The following PAGR1 variants were observed in gnomAD, a reference collection of about 807,000 sequenced individuals.
PAGR1 encodes PAXIP1 associated glutamate rich protein 1.
A neutral mutation model predicts 22.4 loss-of-function variants in PAGR1; 20 were observed. The ratio of observed to expected loss-of-function variants is 0.89; its 90% CI spans 0.63 to 1.30. The LOEUF (loss-of-function observed/expected upper bound fraction) is 1.30. Among genes scored for constraint, PAGR1 ranks in the 50% most tolerant of loss-of-function variants. The pLI is 0.00. For synonymous variants in PAGR1, 161 were observed against 148.3 expected (o/e 1.09, Z -0.62); for missense variants, 338 against 343.6 (o/e 0.98, Z 0.13).
rs764030517 is a variant in PAGR1 at position 29,819,565 on chromosome 16, C to T, written c.576C>T (p.Ala192=). ...CTTCCTCTTCTCCAGGAAGCTCAGC[C>T]CGGAGCCAGAAACGGGAGGCCCGCC... ...IDRRRTPGSS[A]RSQKREARLD... Residue 192 remains alanine (A), a synonymous_variant, in exon 3 of 3, where the codon GCC becomes GCT. Coordinates refer to ENST00000320330, the MANE Select transcript of PAGR1 (RefSeq NM_024516.4). The T allele has an allele frequency of 5.0e-6, 8 of 1,614,096 alleles. No individual in the cohort carries two copies. Among genetic ancestry groups the T allele is most frequent in the Non-Finnish European group, 6.8e-6 (8 of 1,180,026 alleles).
At position 29,819,942 on chromosome 16, in the gene PAGR1, G is replaced by A; in HGVS notation, c.*188G>A. On this transcript the variant is annotated 3_prime_UTR_variant, in exon 3 of 3. Coordinates refer to ENST00000320330, the MANE Select transcript of PAGR1 (RefSeq NM_024516.4). ...GTGTTTTTTCTATTGAACACCTGTA[G>A]AGTGTGTGTGTGTGTTTTCTATTGA... 1 of 631,842 alleles carries A rather than the reference G, an allele frequency of 1.6e-6. No homozygotes were observed. Among genetic ancestry groups the A allele is most frequent in the Non-Finnish European group, 2.7e-6 (1 of 370,146 alleles). 39.1% of individuals were successfully genotyped at this position (631,842 alleles called of 1,614,324 possible).
At position 29,816,719 on chromosome 16, in the gene PAGR1, A is replaced by C. The variant is rs746515233; in HGVS notation, c.194A>C (p.Glu65Ala). 1.9e-6 allele frequency: 3 copies of C among 1,608,240 alleles called. No individual in the cohort carries two copies. In the South Asian group the frequency reaches 3.3e-5, roughly 18 times the overall value. The change falls in exon 1 of 3, where the codon GAG becomes GCG. Residue 65 changes from glutamate to alanine, a missense_variant. By Grantham distance (107) the Glu-to-Ala change is moderately radical. Around this residue, in one of 3 missense-constraint regions of PAGR1, gnomAD observed 235 missense variants for 216.0 expected, o/e 1.09. Transcript: ENST00000320330. ...ACCGAGCGTGAGGGGTCCGGGGGCG[A>C]GGAGGCGCAGGGAGAAGTCCCCAGC... is the stretch of plus-strand genomic sequence containing the variant. ...EETEREGSGG[E>A]EAQGEVPSAG...
rs545434646 is a variant in PAGR1, at chr16:29,821,633, G to A, written c.*1879G>A. Among the ~76,000 whole-genome samples, 1 of 152,324 alleles carries A rather than the reference G, an allele frequency of 6.6e-6. No individual in the cohort carries two copies. Among genetic ancestry groups the A allele is most frequent in the East Asian group, 1.9e-4 (1 of 5,190 alleles). On this transcript the variant is annotated 3_prime_UTR_variant, in exon 3 of 3. Coordinates refer to ENST00000320330, the MANE Select transcript of PAGR1 (RefSeq NM_024516.4). The stretch of plus-strand genomic sequence containing the variant: ...TTAGAATCTTTGTGTTTCTGCCTGA[G>A]AAGCCACTGCCTCCTAGTTTGTGGT...
rs1900344694 is a variant in PAGR1 at position 29,820,417 on chromosome 16, C to T, written c.*663C>T. 1 of 152,234 alleles carries T rather than the reference C, an allele frequency of 6.6e-6. No individual in the cohort carries two copies. Among genetic ancestry groups the T allele is most frequent in the Admixed American group, 6.5e-5 (1 of 15,290 alleles). 9.4% of individuals were successfully genotyped at this position (152,234 alleles called of 1,614,324 possible). Reference sequence around the variant, plus strand: ...TTAACTCCCAAGCCCCACCCCTGGGCTTGGCCTGCCTTGCCCTGCCGGGAA... The same window carrying T: ...TTAACTCCCAAGCCCCACCCCTGGGTTTGGCCTGCCTTGCCCTGCCGGGAA... On this transcript the variant is annotated 3_prime_UTR_variant, in exon 3 of 3. Transcript: ENST00000320330.
rs763365665 is a variant in PAGR1, at chr16:29,816,744, C to T, written c.219C>T (p.Ser73=). The change falls in exon 1 of 3, where the codon AGC becomes AGT. Residue 73 remains serine (S), a synonymous_variant. Transcript: ENST00000320330. ...AGGAGGCGCAGGGAGAAGTCCCCAG[C>T]GCTGGGGGAGAAGAGCCTGCCGAGG... ...GGEEAQGEVP[S]AGGEEPAEED... The T allele has an allele frequency of 5.0e-6, 8 of 1,598,516 alleles. No homozygotes were observed. The highest frequency in any genetic ancestry group is 1.3e-5 in the African/African-American group (1 of 74,674).
In PAGR1 at chr16:29,822,091, T is replaced by TG. The variant is rs896723412; in HGVS notation, c.*2337_*2338insG. Among the ~76,000 whole-genome samples, 4 of 151,492 alleles carry TG rather than the reference T, an allele frequency of 2.6e-5. No individual in the cohort carries two copies. The highest frequency in any genetic ancestry group is 2.0e-4 in the Admixed American group (3 of 15,226). On this transcript the variant is annotated 3_prime_UTR_variant, in exon 3 of 3. Transcript: ENST00000320330. ...TGTGTGTGTGGTTGGGGTTTTGTTTTTTTTTTTTTTTTAAAGAATTATAGC... is the reference window on the plus strand; with the variant it reads ...TGTGTGTGTGGTTGGGGTTTTGTTTTGTTTTTTTTTTTTAAAGAATTATAGC...
chr16:29,818,221 CAG>C (rs1009255707), intron 2 of PAGR1: 4 of 152,222 alleles, frequency 2.6e-5, no homozygotes, highest in East Asian at 3.9e-4. Context: ...GGTGGAGAGA[CAG>C]AGTCTTGCTG....
At chr16:29,819,194 CCT>C (rs1900309624) in intron 2 of PAGR1, among the ~76,000 whole-genome samples, 1 of 152,082 alleles carries the variant, frequency 6.6e-6, no homozygotes. Flanking sequence ...GTCTCAAACT[CCT>C]GACCTCGTGA....
chr16:29,817,444 G>T, intron 2 of PAGR1, 152 bp downstream of exon 2: 1 of 526,012 alleles, frequency 1.9e-6, no homozygotes. Flanking sequence ...CCATCTTTAT[G>T]ACTTAGATTA....
rs1366048695 is a variant in PAGR1 at position 29,819,652 on chromosome 16, C to T, written c.663C>T (p.Thr221=). The T allele has an allele frequency of 2.5e-6, 4 of 1,613,928 alleles. No homozygotes were observed. The highest frequency in any genetic ancestry group is 2.2e-5 in the East Asian group (1 of 44,894). The part of the protein sequence containing the change: ...HKKLEEQILR[T]GRDLFSLDSE... ...AGCTGGAGGAGCAGATCCTTCGTAC[C>T]GGGAGGGACCTCTTCAGCCTGGACT... The change falls in exon 3 of 3, where the codon ACC becomes ACT. Residue 221 remains threonine (T), a synonymous_variant. Coordinates refer to ENST00000320330, the MANE Select transcript of PAGR1 (RefSeq NM_024516.4).
Position 29,819,437 on chromosome 16 carries a change from G to T in PAGR1, c.566-118G>T, listed in dbSNP as rs900583460. 27 of 1,046,142 alleles carry T rather than the reference G, an allele frequency of 2.6e-5. No individual in the cohort carries two copies. The African/African-American group carries it at 4.1e-4, about 16-fold the overall frequency. 64.8% of individuals were successfully genotyped at this position (1,046,142 alleles called of 1,614,324 possible). On this transcript the variant is annotated intron_variant, in intron 2 of 2. Coordinates refer to ENST00000320330, the MANE Select transcript of PAGR1 (RefSeq NM_024516.4). ...CAACCCTGAACCTCAGGTCCTCCAA[G>T]ACAGAGGCCTGGGGACCTGCATGTT...
At chr16:29,818,615 G>C (rs950804754) in intron 2 of PAGR1, 2 of 152,156 alleles carry the variant, frequency 1.3e-5, no homozygotes, top group African/African-American at 4.8e-5. Context: ...AGGCTGGAGT[G>C]CAGTGGCATG....
rs1480777950 is a variant in PAGR1 at position 29,816,708 on chromosome 16, G to T, written c.183G>T (p.Gly61=). The T allele has an allele frequency of 1.9e-6, 3 of 1,609,352 alleles. No individual in the cohort carries two copies. The South Asian group carries it at 3.3e-5, about 18-fold the overall frequency. ...EGGREETERE[G]SGGEEAQGEV... The stretch of plus-strand genomic sequence containing the variant: ...GCCGAGAGGAGACCGAGCGTGAGGG[G>T]TCCGGGGGCGAGGAGGCGCAGGGAG... The change falls in exon 1 of 3, where the codon GGG becomes GGT. Residue 61 remains glycine, a synonymous_variant. Coordinates refer to ENST00000320330, the MANE Select transcript of PAGR1 (RefSeq NM_024516.4).
In PAGR1 at chr16:29,822,104, A is replaced by T. The variant is rs1333303448; in HGVS notation, c.*2350A>T. Among the ~76,000 whole-genome samples the T allele has an allele frequency of 8.7e-5, 12 of 137,626 alleles. No homozygotes were observed. The highest frequency in any genetic ancestry group is 9.7e-5 in the Non-Finnish European group (6 of 61,702). 90.3% of individuals were successfully genotyped at this position (137,626 alleles called of 152,430 possible). On this transcript the variant is annotated 3_prime_UTR_variant, in exon 3 of 3. Coordinates refer to ENST00000320330, the MANE Select transcript of PAGR1 (RefSeq NM_024516.4). Reference sequence around the variant, plus strand: ...GGGGTTTTGTTTTTTTTTTTTTTTTAAAGAATTATAGCTCAGTCCTATGAT... The same window carrying T: ...GGGGTTTTGTTTTTTTTTTTTTTTTTAAGAATTATAGCTCAGTCCTATGAT...
rs2067366643 is a variant in PAGR1 at position 29,822,093 on chromosome 16, T to TTTTTG, written c.*2343_*2344insGTTTT. ...TGTGTGTGGTTGGGGTTTTGTTTTT[T>TTTTTG]TTTTTTTTTTAAAGAATTATAGCTC... is the stretch of plus-strand genomic sequence containing the variant. On this transcript the variant is annotated 3_prime_UTR_variant, in exon 3 of 3. Transcript: ENST00000320330. Among the ~76,000 whole-genome samples, 1 of 151,150 alleles carries TTTTTG rather than the reference T, an allele frequency of 6.6e-6. No homozygotes were observed. Among genetic ancestry groups the TTTTTG allele is most frequent in the African/African-American group, 2.4e-5 (1 of 41,144 alleles).
rs1346101452 is a variant in PAGR1, at chr16:29,817,137, G to A, written c.483-73G>A. On this transcript the variant is annotated intron_variant, in intron 1 of 2. Transcript: ENST00000320330. ...GGGAAGCCAGCGGGGGAGGAGGAAC[G>A]GGCAGGGGAGAAGCACACGTGTGGG... 5.0e-6 allele frequency: 8 copies of A among 1,605,744 alleles called. No homozygotes were observed. The East Asian group carries it at 1.1e-4, about 23-fold the overall frequency.
At position 29,816,464 on chromosome 16, in the gene PAGR1, C is replaced by CT; in HGVS notation, c.-61dup. The CT allele has an allele frequency of 7.1e-7, 1 of 1,404,802 alleles. No homozygotes were observed. Among genetic ancestry groups the CT allele is most frequent in the South Asian group, 1.8e-5 (1 of 55,346 alleles). The allele number at this position is 1,404,802 out of a possible 1,614,324, so 87.0% of individuals were successfully genotyped here. A position where few individuals can be genotyped will look rare whatever the true frequency, so the allele number is the denominator to read the frequency against. On this transcript the variant is annotated 5_prime_UTR_variant, in exon 1 of 3. Coordinates refer to ENST00000320330, the MANE Select transcript of PAGR1 (RefSeq NM_024516.4). ...CCGAACCCCCAGGGGAGCCCGATCC[C>CT]TGGGGGACCCTGGCTTCGGACTCCA...
intron 2 of PAGR1, among the ~76,000 whole-genome samples, chr16:29,818,939 G>A (rs950793444): frequency 1.3e-5 from 2 of 152,100 alleles, no homozygotes; most frequent in African/African-American, 4.8e-5. Context: ...CATGTCAAAG[G>A]AGAATCCAAG....
rs1234711431 is a variant in PAGR1 at position 29,821,971 on chromosome 16, A to G, written c.*2217A>G. Among the ~76,000 whole-genome samples, 1 of 152,120 alleles carries G rather than the reference A, an allele frequency of 6.6e-6. No homozygotes were observed. Among genetic ancestry groups the G allele is most frequent in the Non-Finnish European group, 1.5e-5 (1 of 68,024 alleles). ...CTGGATGCGGTGGCTCAGGCCTGTA[A>G]TCCCAGTACTTTGGGAGGCCCGAAT... On this transcript the variant is annotated 3_prime_UTR_variant, in exon 3 of 3. Transcript: ENST00000320330.
Sources: gnomAD v4.1 joint callset for allele counts (sites outside exome capture counted in the v4.1 genomes callset) on GRCh38, gnomAD v4.1.1 for gene constraint, gnomAD v4.1.1 regional missense constraint, MANE v1.5 for transcripts, NCBI Gene and HGNC (gene_info 2026-07-23, HGNC 2026-07-21) for gene names.